CASR: variants seen among roughly 807,000 people sequenced by gnomAD.
The protein encoded by CASR is extracellular calcium-sensing receptor.
Under a neutral mutation model 69.1 loss-of-function variants are expected in CASR, and 23 were observed. That is an observed-to-expected ratio of 0.33 (90% CI 0.24 to 0.47). CASR has a LOEUF of 0.47. Ranked by LOEUF, CASR falls within the 20% of genes least tolerant of loss-of-function variation. The probability of loss-of-function intolerance (pLI) is 1.00; values close to 1 mark genes in which losing one functional copy is unlikely to be tolerated. For missense variants in CASR, 924 were observed against 1,356.1 expected, an observed-to-expected ratio of 0.68 and a Z score of 5.00; for synonymous variants, 541 against 544.7, an observed-to-expected ratio of 0.99 and a Z score of 0.10.
intron 4 of CASR, among the ~76,000 whole-genome samples, chr3:122,264,798 G>C (rs2107635107): frequency 6.6e-6 from 1 of 152,314 alleles, no homozygotes; most frequent in Non-Finnish European, 1.5e-5. Flanking sequence ...AGATGAACTA[G>C]CAATTATTCA....
chr3:122,201,649 G>A (rs1459377870), intron 1 of CASR, among the ~76,000 whole-genome samples: 8 of 78,678 alleles, frequency 1.0e-4, no homozygotes, highest in Admixed American at 2.3e-4. Context: ...CCTCCCTCCC[G>A]GACGGGGCGG....
chr3:122,274,472 G>T (rs1490302507), intron 4 of CASR, among the ~76,000 whole-genome samples: 1 of 152,234 alleles, frequency 6.6e-6, no homozygotes, highest in East Asian at 1.9e-4. Context: ...AGAGGTACTG[G>T]CTCAGTCCAC....
In CASR at chr3:122,288,188, T is replaced by A. The variant is rs1201788765; in HGVS notation, c.*2997T>A. The A allele has an allele frequency of 3.3e-5, 5 of 152,164 alleles. No individual in the cohort carries two copies. The highest frequency in any genetic ancestry group is 2.6e-4 in the Admixed American group (4 of 15,270). The allele number at this position is 152,164 out of a possible 1,614,324, so 9.4% of individuals were successfully genotyped here. On this transcript the variant is annotated 3_prime_UTR_variant, in exon 7 of 7. Transcript: ENST00000639785. ...AAGAGTCAGTGTGAGAGCAATACAG[T>A]ATGAGAAAAACACCACTGGCCTGTA...
At chr3:122,283,563 T>A in intron 6 of CASR, 124 bp from the exon 7 acceptor site, 1 of 767,096 alleles carries the variant, frequency 1.3e-6, no homozygotes, top group Admixed American at 2.0e-5. Flanking sequence ...AATGATTTCA[T>A]CAAAATGGAG....
intron 4 of CASR, among the ~76,000 whole-genome samples, chr3:122,266,676 T>C (rs1468692900): frequency 1.3e-5 from 2 of 152,252 alleles, no homozygotes; most frequent in East Asian, 3.9e-4. Context: ...TAAAATTTTA[T>C]ATTTCATTTT....
chr3:122,204,837 A>G (rs2073991007), intron 1 of CASR, among the ~76,000 whole-genome samples: 1 of 152,038 alleles, frequency 6.6e-6, no homozygotes, highest in South Asian at 2.1e-4. Flanking sequence ...GATGTTGAGT[A>G]TTTTTTCATA....
At chr3:122,201,623 C>CG (rs1406498329) in intron 1 of CASR, among the ~76,000 whole-genome samples, 3 of 138,166 alleles carry the variant, frequency 2.2e-5, no homozygotes, top group Non-Finnish European at 4.6e-5. Flanking sequence ...GCTGGCCGGG[C>CG]GGGGGCGACC....
At chr3:122,207,792 T>C (rs558387316) in intron 1 of CASR, among the ~76,000 whole-genome samples, 80 of 152,292 alleles carry the variant, frequency 5.3e-4, no homozygotes, top group Middle Eastern at 3.4e-3. Context: ...TAGCAACTAC[T>C]TGTAATAAAC....
intron 1 of CASR, chr3:122,184,356 A>C (rs1201201767): frequency 2.0e-5 from 3 of 152,788 alleles, no homozygotes; most frequent in Non-Finnish European, 2.9e-5. Context: ...GCCGGACCCG[A>C]AGGCGGGCGC....
chr3:122,233,083 C>G (rs1417082129), intron 1 of CASR, among the ~76,000 whole-genome samples: 1 of 152,206 alleles, frequency 6.6e-6, no homozygotes, highest in African/African-American at 2.4e-5. Flanking sequence ...GCTTCAGTCT[C>G]ACTTAGTCTT....
At chr3:122,203,310 G>C (rs1257043968) in intron 1 of CASR, among the ~76,000 whole-genome samples, 1 of 152,124 alleles carries the variant, frequency 6.6e-6, no homozygotes, top group Non-Finnish European at 1.5e-5. Flanking sequence ...CTTTACAATG[G>C]GGATATGTTC....
chr3:122,263,352 T>A (rs2074650258), intron 4 of CASR, among the ~76,000 whole-genome samples: 1 of 152,238 alleles, frequency 6.6e-6, no homozygotes, highest in Admixed American at 6.5e-5. Context: ...TGACACAGAC[T>A]TAATGTCTAG....
intron 1 of CASR, among the ~76,000 whole-genome samples, chr3:122,241,712 GAC>G (rs1291319769): frequency 2.0e-5 from 3 of 151,806 alleles, no homozygotes; most frequent in East Asian, 3.8e-4. Flanking sequence ...ACCAGACAAA[GAC>G]ACACACACAA....
intron 4 of CASR, among the ~76,000 whole-genome samples, chr3:122,268,577 T>C (rs916755881): frequency 3.3e-5 from 5 of 152,326 alleles, no homozygotes; most frequent in Admixed American, 1.3e-4. Context: ...GAAAGTATAG[T>C]GTGCAAATAA....
intron 2 of CASR, among the ~76,000 whole-genome samples, chr3:122,255,753 T>G (rs1185795953): frequency 1.3e-5 from 2 of 152,192 alleles, no homozygotes; most frequent in Non-Finnish European, 2.9e-5. Context: ...AACAAATACA[T>G]GAAGGAAACT....
chr3:122,267,387 A>G (rs575560388), intron 4 of CASR, among the ~76,000 whole-genome samples: 2 of 152,348 alleles, frequency 1.3e-5, no homozygotes, highest in South Asian at 4.1e-4. Flanking sequence ...TGCTGTGAGG[A>G]CATAGTACAA....
At chr3:122,222,838 T>TA (rs56177249) in intron 1 of CASR, among the ~76,000 whole-genome samples, 107,178 of 149,772 alleles carry the variant, frequency 0.72, 38,480 homozygotes, top group Admixed American at 0.82. Context: ...CTCAACAAAT[T>TA]AAAAAAAAAA....
At chr3:122,237,843 T>G (rs1200288926) in intron 1 of CASR, among the ~76,000 whole-genome samples, 1 of 152,120 alleles carries the variant, frequency 6.6e-6, no homozygotes, top group African/African-American at 2.4e-5. Context: ...GGAAGATAAA[T>G]TGGTACAACA....
At chr3:122,216,082 CA>C (rs2074114902) in intron 1 of CASR, among the ~76,000 whole-genome samples, 1 of 152,144 alleles carries the variant, frequency 6.6e-6, no homozygotes, top group Non-Finnish European at 1.5e-5. Context: ...AGCTCTTTTG[CA>C]AATGATTAAG....
Sources: gnomAD v4.1 joint callset for allele counts (sites outside exome capture counted in the v4.1 genomes callset) on GRCh38, gnomAD v4.1.1 for gene constraint, MANE v1.5 for transcripts, NCBI Gene and HGNC (gene_info 2026-07-23, HGNC 2026-07-21) for gene names.